AUTS2: variants seen among roughly 807,000 people sequenced by gnomAD.
AUTS2 encodes the protein activator of transcription and developmental regulator AUTS2.
A neutral mutation model predicts 112.4 loss-of-function variants in AUTS2; 17 were observed. The ratio of observed to expected loss-of-function variants is 0.15; its 90% CI spans 0.10 to 0.23. AUTS2 has a LOEUF of 0.23. Ranked by LOEUF, AUTS2 falls within the 10% of genes least tolerant of loss-of-function variation. The probability of loss-of-function intolerance (pLI) is 1.00; values close to 1 mark genes in which losing one functional copy is unlikely to be tolerated. For missense variants in AUTS2, 1,510 were observed against 1,701.6 expected, an observed-to-expected ratio of 0.89 and a Z score of 1.98; for synonymous variants, 751 against 702.7, an observed-to-expected ratio of 1.07 and a Z score of -1.09.
chr7:70,435,794 C>T lies in AUTS2; in HGVS notation c.690+13C>T, dbSNP rs770658572. The stretch of plus-strand genomic sequence containing the variant: ...CCAGGAAGAGAAGGTAAGACCCCCC[C>T]TCCCCCATTGTGGGCACAGCACATA... On this transcript the variant is annotated intron_variant, in intron 5 of 18. Coordinates refer to ENST00000342771, the MANE Select transcript of AUTS2 (RefSeq NM_015570.4). 66 of 1,613,498 alleles carry T rather than the reference C, an allele frequency of 4.1e-5. No individual in the cohort carries two copies. Among genetic ancestry groups the T allele is most frequent in the Non-Finnish European group, 5.3e-5 (62 of 1,179,578 alleles).
At chr7:70,553,046 G>A (rs939292442) in intron 5 of AUTS2, among the ~76,000 whole-genome samples, 1 of 152,154 alleles carries the variant, frequency 6.6e-6, no homozygotes, top group African/African-American at 2.4e-5. Context: ...AGCAAATGAC[G>A]TACTCTCTCT....
intron 1 of AUTS2, among the ~76,000 whole-genome samples, chr7:69,732,871 G>A (rs1405494673): frequency 2.6e-5 from 4 of 152,170 alleles, no homozygotes; most frequent in Non-Finnish European, 5.9e-5. Context: ...ATTCTGCAAG[G>A]TTTGTGCTTT....
intron 1 of AUTS2, among the ~76,000 whole-genome samples, chr7:69,814,995 A>C (rs530888206): frequency 1.0e-3 from 153 of 152,280 alleles, no homozygotes; most frequent in Non-Finnish European, 1.7e-3. Flanking sequence ...TTTTTCAGTT[A>C]AAATTTATTT....
At chr7:70,035,680 A>G (rs1045733869) in intron 2 of AUTS2, among the ~76,000 whole-genome samples, 5 of 152,154 alleles carry the variant, frequency 3.3e-5, no homozygotes, top group Admixed American at 3.3e-4. Context: ...CTCATGAAAT[A>G]AGAGAATGGA....
chr7:70,636,427 C>G (rs951516246), intron 5 of AUTS2, among the ~76,000 whole-genome samples: 1 of 152,126 alleles, frequency 6.6e-6, no homozygotes, highest in Non-Finnish European at 1.5e-5. Context: ...AGATCACTTC[C>G]ACTGACAGAG....
Position 69,809,900 on chromosome 7 carries a change from C to A in AUTS2, c.310-89386C>A, listed in dbSNP as rs78317939. 2.9e-3 allele frequency among the ~76,000 whole-genome samples: 444 copies of A among 152,316 alleles called. 5 individuals are homozygous for A. The highest frequency in any genetic ancestry group is 0.01 in the African/African-American group (430 of 41,564). ...ACGAAACCTCCTGATCCTCTGTCTG[C>A]CTTCAGGCTTGCCTCTGCCCCAATA... On this transcript the variant is annotated intron_variant, in intron 1 of 18. Coordinates refer to ENST00000342771, the MANE Select transcript of AUTS2 (RefSeq NM_015570.4).
intron 1 of AUTS2, among the ~76,000 whole-genome samples, chr7:69,622,261 T>C (rs1793708241): frequency 6.6e-6 from 1 of 152,210 alleles, no homozygotes. Flanking sequence ...AGGGTAGTGC[T>C]TTAACTTGAA....
At chr7:69,981,127 C>T (rs1015155839) in intron 2 of AUTS2, among the ~76,000 whole-genome samples, 44 of 152,134 alleles carry the variant, frequency 2.9e-4, no homozygotes, top group African/African-American at 7.7e-4. Flanking sequence ...AAAATCTCAC[C>T]TTCATTTTGT....
intron 5 of AUTS2, among the ~76,000 whole-genome samples, chr7:70,459,031 C>G (rs1327405964): frequency 6.6e-6 from 1 of 152,144 alleles, no homozygotes; most frequent in Non-Finnish European, 1.5e-5. Context: ...GCTCAGGACT[C>G]TCTTCATTAT....
At chr7:69,868,891 T>A (rs1396699243) in intron 1 of AUTS2, among the ~76,000 whole-genome samples, 4 of 152,238 alleles carry the variant, frequency 2.6e-5, no homozygotes, top group Non-Finnish European at 1.5e-5. Context: ...TGTTCCCCTC[T>A]GCTAGCTTGG....
At chr7:69,796,387 G>A (rs1025291842) in intron 1 of AUTS2, among the ~76,000 whole-genome samples, 7 of 152,164 alleles carry the variant, frequency 4.6e-5, no homozygotes, top group Non-Finnish European at 8.8e-5. Context: ...GTTGTGCATG[G>A]TGGTACCCAC....
chr7:69,712,184 G>T (rs1423977395), intron 1 of AUTS2, among the ~76,000 whole-genome samples: 2 of 152,076 alleles, frequency 1.3e-5, no homozygotes, highest in Non-Finnish European at 2.9e-5. Context: ...AGCAGACATG[G>T]TGCCTTTTTC....
At chr7:69,820,740 A>G (rs1790953658) in intron 1 of AUTS2, among the ~76,000 whole-genome samples, 1 of 152,172 alleles carries the variant, frequency 6.6e-6, no homozygotes, top group Non-Finnish European at 1.5e-5. Flanking sequence ...AATAGGAGAG[A>G]AAGAGGTAGA....
chr7:69,724,267 T>C (rs903354391), intron 1 of AUTS2, among the ~76,000 whole-genome samples: 1 of 152,218 alleles, frequency 6.6e-6, no homozygotes, highest in East Asian at 1.9e-4. Context: ...TTCTAGATTC[T>C]TTTTAACGAT....
At chr7:70,405,831 A>G (rs1319856375) in intron 4 of AUTS2, among the ~76,000 whole-genome samples, 3 of 152,192 alleles carry the variant, frequency 2.0e-5, no homozygotes, top group Non-Finnish European at 4.4e-5. Context: ...TATTGCTGTT[A>G]TATGTATTCA....
At chr7:70,422,840 T>G (rs1795281332) in intron 4 of AUTS2, among the ~76,000 whole-genome samples, 1 of 152,160 alleles carries the variant, frequency 6.6e-6, no homozygotes. Context: ...CACTTTCAGA[T>G]CTTTTAGTGT....
At chr7:70,688,447 AAAGACAAGC>A (rs1808578388) in intron 5 of AUTS2, among the ~76,000 whole-genome samples, 1 of 152,186 alleles carries the variant, frequency 6.6e-6, no homozygotes, top group African/African-American at 2.4e-5. Flanking sequence ...TGGCATGGAC[AAAGACAAGC>A]AAGACACAGT....
chr7:70,291,841 T>A (rs1034010586), intron 4 of AUTS2: 1 of 152,134 alleles, frequency 6.6e-6, no homozygotes, highest in Non-Finnish European at 1.5e-5. Context: ...TTTATAAATA[T>A]GAAGGAGGCT....
chr7:70,271,491 G>T (rs936551251), intron 4 of AUTS2, among the ~76,000 whole-genome samples: 1 of 152,014 alleles, frequency 6.6e-6, no homozygotes, highest in Admixed American at 6.6e-5. Flanking sequence ...TACGGAAATT[G>T]ATAAAAATAC....
Sources: allele counts gnomAD v4.1 joint callset (sites outside exome capture counted in the v4.1 genomes callset), GRCh38; gene constraint gnomAD v4.1.1; transcripts MANE v1.5; gene names NCBI Gene and HGNC (gene_info 2026-07-23, HGNC 2026-07-21).